The following SERGEF variants were observed in gnomAD, a reference collection of about 807,000 sequenced individuals.
SERGEF encodes the protein secretion regulating guanine nucleotide exchange factor.
SERGEF carries 51 observed loss-of-function variants against 50.0 expected under a neutral mutation model. The ratio of observed to expected loss-of-function variants is 1.02; its 90% CI spans 0.81 to 1.29. The LOEUF (loss-of-function observed/expected upper bound fraction) is 1.29. Among genes scored for constraint, SERGEF ranks in the 50% most tolerant of loss-of-function variants. The probability of loss-of-function intolerance (pLI) is 0.00; values close to 1 mark genes in which losing one functional copy is unlikely to be tolerated. For missense variants in SERGEF, 521 were observed against 557.0 expected (o/e 0.94, Z 0.65); for synonymous variants, 205 against 212.4 (o/e 0.97, Z 0.30).
chr11:17,845,271 CT>C lies in SERGEF; in HGVS notation c.1048+32936del, dbSNP rs1850586096. ...CATAACAAAGTTAAATTTGATTTACCTTTGGGGGCTCAGCTATCAAAGCCTA... is the reference window on the plus strand; with the variant it reads ...CATAACAAAGTTAAATTTGATTTACCTTGGGGGCTCAGCTATCAAAGCCTA... On this transcript the variant is annotated intron_variant, in intron 10 of 10. Coordinates refer to ENST00000265965, the MANE Select transcript of SERGEF (RefSeq NM_012139.4). 3.9e-5 allele frequency among the ~76,000 whole-genome samples: 6 copies of C among 152,230 alleles called. No individual in the cohort carries two copies. The South Asian group carries it at 1.2e-3, about 32-fold the overall frequency.
chr11:17,836,254 T>C (rs1465936647), intron 10 of SERGEF, among the ~76,000 whole-genome samples: 1 of 152,200 alleles, frequency 6.6e-6, no homozygotes, highest in Non-Finnish European at 1.5e-5. Context: ...AGCTAGACTT[T>C]CTGTTCAGAA....
chr11:17,934,192 T>G lies in SERGEF; in HGVS notation c.1011+25278A>C, dbSNP rs575008645. Among the ~76,000 whole-genome samples, 7 of 152,298 alleles carry G rather than the reference T, an allele frequency of 4.6e-5. No homozygotes were observed. In the South Asian group the frequency reaches 1.5e-3, roughly 32 times the overall value. Reference sequence around the variant, plus strand: ...GGAAGGGATACCAGTCAAATGGGTCTAGGGACAATTTACTCTGAATGTTTC... The same window carrying G: ...GGAAGGGATACCAGTCAAATGGGTCGAGGGACAATTTACTCTGAATGTTTC... On this transcript the variant is annotated intron_variant, in intron 9 of 10. Transcript: ENST00000265965.
chr11:17,842,147 T>C lies in SERGEF; in HGVS notation c.1048+36061A>G, dbSNP rs142350289. Among the ~76,000 whole-genome samples, 6 of 152,304 alleles carry C rather than the reference T, an allele frequency of 3.9e-5. No individual in the cohort carries two copies. The East Asian group carries it at 1.2e-3, about 29-fold the overall frequency. The stretch of plus-strand genomic sequence containing the variant: ...CCTTGAGGGTGAGGGATCATGTCTG[T>C]TTTATCATCATAGTATCTCCAGCTT... On this transcript the variant is annotated intron_variant, in intron 10 of 10. Transcript: ENST00000265965.
chr11:17,892,608 T>C (rs777464637), intron 9 of SERGEF, among the ~76,000 whole-genome samples: 1 of 152,230 alleles, frequency 6.6e-6, no homozygotes, highest in Non-Finnish European at 1.5e-5. Flanking sequence ...GAGTGATTTA[T>C]TACGTAACAT....
intron 9 of SERGEF, among the ~76,000 whole-genome samples, chr11:17,937,761 A>T (rs1852482877): frequency 6.6e-6 from 1 of 152,300 alleles, no homozygotes; most frequent in Admixed American, 6.5e-5. Flanking sequence ...AACAGTAAGA[A>T]CTATCCTAAA....
Sources: allele counts gnomAD v4.1 joint callset (sites outside exome capture counted in the v4.1 genomes callset), GRCh38; gene constraint gnomAD v4.1.1; transcripts MANE v1.5; gene names NCBI Gene and HGNC (gene_info 2026-07-23, HGNC 2026-07-21).